The following BAG6 variants were observed in gnomAD, a reference collection of about 807,000 sequenced individuals.
The protein encoded by BAG6 is BAG cochaperone 6.
BAG6 carries 22 observed loss-of-function variants against 121.0 expected under a neutral mutation model. That is an observed-to-expected ratio of 0.18 (90% CI 0.13 to 0.26). The LOEUF is 0.26. BAG6 is among the 10% of genes least tolerant of loss of function. BAG6 has a pLI of 1.00. For synonymous variants in BAG6, 583 were observed against 584.6 expected (o/e 1.00, Z 0.04); for missense variants, 1,233 against 1,537.7 (o/e 0.80, Z 3.31).
At position 31,645,449 on chromosome 6, in the gene BAG6, G is replaced by A. The variant is rs757498443; in HGVS notation, c.1074C>T (p.Tyr358=). 2 of 1,613,080 alleles carry A rather than the reference G, an allele frequency of 1.2e-6. No homozygotes were observed. The highest frequency in any genetic ancestry group is 4.5e-5 in the East Asian group (2 of 44,886). The part of the protein sequence containing the change: ...HLHVVRPMSH[Y]TTPMVLQQAA... ...CCTGCTGGAGCACCATGGGGGTGGTGTAGTGAGACATAGGCCGGACCACAT... is the reference window on the plus strand; with the variant it reads ...CCTGCTGGAGCACCATGGGGGTGGTATAGTGAGACATAGGCCGGACCACAT... The change falls in exon 9 of 26, where the codon TAC becomes TAT. Residue 358 remains tyrosine, a synonymous_variant. Transcript: ENST00000676615.
Position 31,642,270 on chromosome 6 carries a change from A to G in BAG6, c.2177T>C (p.Leu726Pro). ...CACTGAGGTAAAAAACTCCGGTGAC[A>G]GGCTCTCAAGACCCAGGCCTCCAGG... Reference protein sequence around the residue: ...GSPGGLGLESLSPEFFTSVVQ... With the variant: ...GSPGGLGLESPSPEFFTSVVQ... The change falls in exon 16 of 26, where the codon CTG becomes CCG. Residue 726 changes from leucine to proline, a missense_variant. Leu to Pro is a moderately conservative substitution (Grantham distance 98). Around this residue, in one of 7 missense-constraint regions of BAG6, gnomAD observed 288 missense variants for 483.1 expected, o/e 0.60. Transcript: ENST00000676615. 3 of 1,606,630 alleles carry G rather than the reference A, an allele frequency of 1.9e-6. No homozygotes were observed. Among genetic ancestry groups the G allele is most frequent in the South Asian group, 2.2e-5 (2 of 90,548 alleles).
chr6:31,639,758 A>G (rs922294583), intron 24 of BAG6, 112 bp from the exon 25 acceptor site: 35 of 1,286,772 alleles, frequency 2.7e-5, no homozygotes, highest in African/African-American at 1.0e-4. Context: ...ATGCTAGTGG[A>G]GAGAGGGGAA....
intron 5 of BAG6, 66 bp downstream of exon 5, chr6:31,648,839 GCCAGGT>G: frequency 6.3e-7 from 1 of 1,587,952 alleles, no homozygotes; most frequent in Non-Finnish European, 8.6e-7. Context: ...CCATCTCTCA[GCCAGGT>G]CCACCCCACC....
intron 2 of BAG6, among the ~76,000 whole-genome samples, chr6:31,650,086 G>A (rs1335971481): frequency 2.0e-5 from 3 of 151,964 alleles, no homozygotes; most frequent in African/African-American, 7.3e-5. Flanking sequence ...GGGTGACAGA[G>A]AGGGACTCCA....
chr6:31,642,910 C>T lies in BAG6; in HGVS notation c.1962G>A (p.Gly654=). The stretch of plus-strand genomic sequence containing the variant: ...TGATGGTGGGAGAAGCCACACCAGA[C>T]CCTCCAGCCCCTGGCCCTGCAGGCC... ...LLGPAGPGAG[G]SGVASPTITV... is the part of the protein sequence containing the mutation. The change falls in exon 15 of 26, where the codon GGG becomes GGA. Residue 654 remains glycine (G), a synonymous_variant. Transcript: ENST00000676615. 3 of 1,611,134 alleles carry T rather than the reference C, an allele frequency of 1.9e-6. No individual in the cohort carries two copies. Among genetic ancestry groups the T allele is most frequent in the Non-Finnish European group, 2.5e-6 (3 of 1,178,856 alleles).
At position 31,645,005 on chromosome 6, in the gene BAG6, A is replaced by C; in HGVS notation, c.1310T>G (p.Val437Gly). ...CACACTCTGGTGGGAAATCCGGATG[A>C]CCCTCGGGTGGCTGGTGGCTGGCGG... ...APPPATSHPR[V>G]IRISHQSVEP... Residue 437 changes from valine to glycine, a missense_variant, in exon 10 of 26, where the codon GTC (valine) becomes GGC (glycine). This residue lies in a region of BAG6 where 777 missense variants were observed against 861.4 expected (regional missense o/e 0.90). Coordinates refer to ENST00000676615, the MANE Select transcript of BAG6 (RefSeq NM_001387994.1). 6.2e-7 allele frequency: 1 copy of C among 1,610,586 alleles called. No homozygotes were observed. The highest frequency in any genetic ancestry group is 1.1e-5 in the South Asian group (1 of 90,896).
Position 31,642,229 on chromosome 6 carries a change from T to C in BAG6, c.2218A>G (p.Ser740Gly), listed in dbSNP as rs1016803218. The C allele has an allele frequency of 1.2e-5, 19 of 1,612,638 alleles. No homozygotes were observed. Among genetic ancestry groups the C allele is most frequent in the Non-Finnish European group, 1.6e-5 (19 of 1,179,942 alleles). ...FFTSVVQGVL[S>G]SLLGSLGARA... ...GCCCCCAGGGAGCCCAGCAGGGAGC[T>C]GAGCACACCCTGCACCACTGAGGTA... The change falls in exon 16 of 26, where the codon AGC becomes GGC. Residue 740 changes from serine to glycine, a missense_variant. Around this residue, in one of 7 missense-constraint regions of BAG6, gnomAD observed 288 missense variants for 483.1 expected, o/e 0.60. Coordinates refer to ENST00000676615, the MANE Select transcript of BAG6 (RefSeq NM_001387994.1).
At chr6:31,643,152 T>C (rs1404015651) in intron 14 of BAG6, 37 bp from the exon 15 acceptor site, 3 of 1,520,262 alleles carry the variant, frequency 2.0e-6, no homozygotes, top group South Asian at 2.5e-5. Flanking sequence ...GGGCTGAGCA[T>C]GGTGGCTCTT....
chr6:31,644,437 C>A lies in BAG6; in HGVS notation c.1448-23G>T. The A allele has an allele frequency of 6.4e-7, 1 of 1,552,534 alleles. No individual in the cohort carries two copies. Among genetic ancestry groups the A allele is most frequent in the Non-Finnish European group, 8.7e-7 (1 of 1,147,352 alleles). ...AGCCTGGGGGGCGGGTCTGATGTAA[C>A]CTTGAACCTGGACCCCTTCAACCCA... On this transcript the variant is annotated intron_variant, in intron 11 of 25. Coordinates refer to ENST00000676615, the MANE Select transcript of BAG6 (RefSeq NM_001387994.1). The surrounding 1 kb of genome is among the most constrained non-coding windows in gnomAD (Gnocchi z 4.9).
Position 31,641,288 on chromosome 6 carries a change from C to T in BAG6, c.2662+32G>A, listed in dbSNP as rs781765003. On this transcript the variant is annotated intron_variant, in intron 19 of 25. Coordinates refer to ENST00000676615, the MANE Select transcript of BAG6 (RefSeq NM_001387994.1). This position sits in a 1 kb window ranked among gnomAD's most constrained non-coding sequence, Gnocchi z 5.7. ...GTGGCAGCCCTGCACATGCAACAGG[C>T]CCCACTTGCCCCCGCCTGGCCAGCC... is the stretch of plus-strand genomic sequence containing the variant. 3 of 1,613,714 alleles carry T rather than the reference C, an allele frequency of 1.9e-6. No homozygotes were observed. The highest frequency in any genetic ancestry group is 2.2e-5 in the East Asian group (1 of 44,886).
At position 31,645,198 on chromosome 6, in the gene BAG6, T is replaced by A. The variant is rs1307469807; in HGVS notation, c.1117A>T (p.Ile373Phe). ...ATGGTCACAGTGGTTCCCACATTGATCTGAAAAAGACAGATGGACAGGCAG... is the reference window on the plus strand; with the variant it reads ...ATGGTCACAGTGGTTCCCACATTGAACTGAAAAAGACAGATGGACAGGCAG... ...VLQQAAIPIQ[I>F]NVGTTVTMTG... is the part of the protein sequence containing the mutation. Residue 373 changes from isoleucine to phenylalanine, a missense_variant and splice_region_variant, in exon 10 of 26, where the codon ATC (isoleucine) becomes TTC (phenylalanine). Ile to Phe is a conservative substitution (Grantham distance 21, BLOSUM62 0). Coordinates refer to ENST00000676615, the MANE Select transcript of BAG6 (RefSeq NM_001387994.1). 1 of 1,608,052 alleles carries A rather than the reference T, an allele frequency of 6.2e-7. No individual in the cohort carries two copies. The highest frequency in any genetic ancestry group is 8.5e-7 in the Non-Finnish European group (1 of 1,177,714).
chr6:31,649,968 G>C (rs1794521515), intron 2 of BAG6, among the ~76,000 whole-genome samples: 1 of 152,038 alleles, frequency 6.6e-6, no homozygotes, highest in African/African-American at 2.4e-5. Context: ...GCCAGGCATG[G>C]TGGTCGCCTG....
rs779076607 is a variant in BAG6, at chr6:31,640,979, C to A, written c.2788-41G>T. Reference sequence around the variant, plus strand: ...CAGATTTAGAACACAAAACCCTCAACCACCTTTAGAAATAGATTAGATCCA... The same window carrying A: ...CAGATTTAGAACACAAAACCCTCAAACACCTTTAGAAATAGATTAGATCCA... On this transcript the variant is annotated intron_variant, in intron 20 of 25. Coordinates refer to ENST00000676615, the MANE Select transcript of BAG6 (RefSeq NM_001387994.1). This position sits in a 1 kb window ranked among gnomAD's most constrained non-coding sequence, Gnocchi z 4.2. 11 of 1,605,114 alleles carry A rather than the reference C, an allele frequency of 6.9e-6. No homozygotes were observed. Among genetic ancestry groups the A allele is most frequent in the Non-Finnish European group, 9.4e-6 (11 of 1,175,100 alleles).
intron 7 of BAG6, 79 bp downstream of exon 7, chr6:31,647,512 C>G: frequency 6.3e-7 from 1 of 1,582,106 alleles, no homozygotes; most frequent in Non-Finnish European, 8.6e-7. Context: ...TCCTTTCCCT[C>G]CCTTGCCATG....
rs1255324702 is a variant in BAG6 at position 31,644,150 on chromosome 6, T to C, written c.1600A>G (p.Ile534Val). The C allele has an allele frequency of 6.2e-7, 1 of 1,613,934 alleles. No individual in the cohort carries two copies. Among genetic ancestry groups the C allele is most frequent in the Non-Finnish European group, 8.5e-7 (1 of 1,179,940 alleles). Residue 534 changes from isoleucine (I) to valine (V), a missense_variant, in exon 13 of 26, where the codon ATT becomes GTT. Coordinates refer to ENST00000676615, the MANE Select transcript of BAG6 (RefSeq NM_001387994.1). This position sits in a 1 kb window ranked among gnomAD's most constrained non-coding sequence, Gnocchi z 4.9. ...GCCTGTGGAGGAGTGGGCCGGGCAA[T>C]CACCACCCGGGTTGGAGCTGTTGGG... is the stretch of plus-strand genomic sequence containing the variant. Reference protein sequence around the residue: ...GFPTAPTRVVIARPTPPQARP... With the variant: ...GFPTAPTRVVVARPTPPQARP...
In BAG6 at chr6:31,646,766, G is replaced by GTTTTTTT. The variant is rs66820473; in HGVS notation, c.789-250_789-244dup. 5.6e-4 allele frequency among the ~76,000 whole-genome samples: 34 copies of GTTTTTTT among 60,644 alleles called. 1 individual carries two copies. The highest frequency in any genetic ancestry group is 1.5e-3 in the South Asian group (2 of 1,292). 39.8% of individuals were successfully genotyped at this position (60,644 alleles called of 152,430 possible). A position where few individuals can be genotyped will look rare whatever the true frequency, so the allele number is the denominator to read the frequency against. ...CTGCCACCACACCCGGCTAATTTTTGTTTTTTTTTTTTTTTTTTTTTTTTT... is the reference window on the plus strand; with the variant it reads ...CTGCCACCACACCCGGCTAATTTTTGTTTTTTTTTTTTTTTTTTTTTTTTTTTTTTTT... On this transcript the variant is annotated intron_variant, in intron 7 of 25. Transcript: ENST00000676615.
At chr6:31,651,054 T>C (rs1314006566) in intron 2 of BAG6, among the ~76,000 whole-genome samples, 1 of 152,238 alleles carries the variant, frequency 6.6e-6, no homozygotes, top group African/African-American at 2.4e-5. Flanking sequence ...GCTGTTTCCC[T>C]TCCCAAAGGC....
At position 31,651,793 on chromosome 6, in the gene BAG6, G is replaced by A. The variant is rs376290020; in HGVS notation, c.-13-17C>T. 2.1e-4 allele frequency: 338 copies of A among 1,600,280 alleles called. No individual in the cohort carries two copies. The highest frequency in any genetic ancestry group is 3.6e-4 in the South Asian group (33 of 90,830). On this transcript the variant is annotated splice_polypyrimidine_tract_variant and intron_variant, in intron 1 of 25. Coordinates refer to ENST00000676615, the MANE Select transcript of BAG6 (RefSeq NM_001387994.1). The stretch of plus-strand genomic sequence containing the variant: ...GACAGGTCTCTAAAGAAGAACGAAG[G>A]AAGGAAGGCCCGCTGTTGCCCAGAC...
chr6:31,639,318 T>TC, intron 25 of BAG6, 92 bp from the exon 26 acceptor site: 7 of 1,461,640 alleles, frequency 4.8e-6, no homozygotes, highest in Non-Finnish European at 6.6e-6. Flanking sequence ...AAGCTAACAT[T>TC]TCCCCCCCCA....
Sources: allele counts gnomAD v4.1 joint callset (sites outside exome capture counted in the v4.1 genomes callset), GRCh38; gene constraint gnomAD v4.1.1; regional missense constraint gnomAD v4.1.1; non-coding constraint Gnocchi (gnomAD v3.1); transcripts MANE v1.5; gene names NCBI Gene and HGNC (gene_info 2026-07-23, HGNC 2026-07-21).